The following GALNTL6 variants were observed in gnomAD, a reference collection of about 807,000 sequenced individuals.
GALNTL6 encodes polypeptide N-acetylgalactosaminyltransferase like 6.
A neutral mutation model predicts 73.7 loss-of-function variants in GALNTL6; 46 were observed. That is an observed-to-expected ratio of 0.62 (90% CI 0.49 to 0.80). GALNTL6 has a LOEUF of 0.80. Among genes scored for constraint, GALNTL6 ranks in the 30% least tolerant of loss-of-function variants. The probability of loss-of-function intolerance (pLI) is 0.00; values close to 1 mark genes in which losing one functional copy is unlikely to be tolerated. For missense variants in GALNTL6, 604 were observed against 755.0 expected, an observed-to-expected ratio of 0.80 and a Z score of 2.34; for synonymous variants, 259 against 263.7, an observed-to-expected ratio of 0.98 and a Z score of 0.17.
intron 11 of GALNTL6, among the ~76,000 whole-genome samples, chr4:173,010,938 T>C (rs1460820552): frequency 1.3e-5 from 2 of 152,100 alleles, no homozygotes; most frequent in South Asian, 2.1e-4. Context: ...TCCAAACTGT[T>C]CTCCATAGTA....
At chr4:172,717,003 C>A (rs979740159) in intron 5 of GALNTL6, among the ~76,000 whole-genome samples, 2 of 152,026 alleles carry the variant, frequency 1.3e-5, no homozygotes, top group Non-Finnish European at 2.9e-5. Context: ...AAGTCAGCAC[C>A]AAATACAAAA....
intron 7 of GALNTL6, among the ~76,000 whole-genome samples, chr4:172,875,632 T>C (rs1745154437): frequency 6.6e-6 from 1 of 151,946 alleles, no homozygotes; most frequent in Admixed American, 6.6e-5. Flanking sequence ...AAAGATCAGC[T>C]CTATTCACCA....
intron 2 of GALNTL6, among the ~76,000 whole-genome samples, chr4:171,954,810 G>C (rs13118856): frequency 0.44 from 67,011 of 151,884 alleles, 16,725 homozygotes; most frequent in Admixed American, 0.57. Flanking sequence ...GACAGTGAGT[G>C]AGTTCTCACA....
chr4:172,949,658 C>G (rs1749343254), intron 9 of GALNTL6, among the ~76,000 whole-genome samples: 1 of 151,652 alleles, frequency 6.6e-6, no homozygotes, highest in African/African-American at 2.4e-5. Flanking sequence ...AGCTGTAATC[C>G]CAGCACTTTG....
intron 8 of GALNTL6, among the ~76,000 whole-genome samples, chr4:172,885,343 T>C (rs2111198227): frequency 6.6e-6 from 1 of 152,320 alleles, no homozygotes; most frequent in Non-Finnish European, 1.5e-5. Flanking sequence ...TTAAATTTAT[T>C]CTTAGGTATT....
intron 2 of GALNTL6, among the ~76,000 whole-genome samples, chr4:172,144,391 A>G (rs1733874107): frequency 6.6e-6 from 1 of 152,200 alleles, no homozygotes; most frequent in South Asian, 2.1e-4. Context: ...CTACTATGTA[A>G]CTCTGAAAAC....
chr4:173,022,189 G>GAGGAAGGAAGGA (rs35151291), intron 12 of GALNTL6, among the ~76,000 whole-genome samples: 1,718 of 134,344 alleles, frequency 0.013, 19 homozygotes, highest in Non-Finnish European at 0.017. Context: ...GGGAGGGAGG[G>GAGGAAGGAAGGA]AGGAAGGAAG....
At chr4:172,554,310 T>C (rs1736067269) in intron 5 of GALNTL6, among the ~76,000 whole-genome samples, 1 of 152,232 alleles carries the variant, frequency 6.6e-6, no homozygotes, top group Non-Finnish European at 1.5e-5. Flanking sequence ...AGGGTGCAAA[T>C]TAGTTTTGCC....
chr4:172,171,505 A>G (rs543570386), intron 2 of GALNTL6, among the ~76,000 whole-genome samples: 2 of 152,270 alleles, frequency 1.3e-5, no homozygotes, highest in Middle Eastern at 6.8e-3. Context: ...TTCATGAACA[A>G]CACTGCTAGG....
At chr4:172,685,759 C>A (rs539701232) in intron 5 of GALNTL6, among the ~76,000 whole-genome samples, 2 of 152,010 alleles carry the variant, frequency 1.3e-5, no homozygotes, top group South Asian at 2.1e-4. Context: ...CTCAGCCAGG[C>A]GACTTTAGAA....
At chr4:172,603,485 A>G (rs1738143281) in intron 5 of GALNTL6, among the ~76,000 whole-genome samples, 1 of 152,194 alleles carries the variant, frequency 6.6e-6, no homozygotes, top group Non-Finnish European at 1.5e-5. Context: ...TCTTTTGAAC[A>G]ACACTGCAGT....
At chr4:172,663,220 A>T (rs976265660) in intron 5 of GALNTL6, among the ~76,000 whole-genome samples, 2 of 152,198 alleles carry the variant, frequency 1.3e-5, no homozygotes, top group Non-Finnish European at 2.9e-5. Flanking sequence ...GAACTATAAT[A>T]GTATCACTCT....
intron 4 of GALNTL6, among the ~76,000 whole-genome samples, chr4:172,317,858 T>G (rs1740616906): frequency 6.6e-6 from 1 of 152,182 alleles, no homozygotes; most frequent in South Asian, 2.1e-4. Context: ...TGAACTTGAT[T>G]AAGTACCTTC....
At chr4:171,955,822 T>G (rs1739027855) in intron 2 of GALNTL6, among the ~76,000 whole-genome samples, 1 of 152,114 alleles carries the variant, frequency 6.6e-6, no homozygotes, top group Admixed American at 6.6e-5. Context: ...CATGTTACCA[T>G]TAAACTGTTA....
intron 5 of GALNTL6, among the ~76,000 whole-genome samples, chr4:172,640,476 T>TGTC (rs1739922300): frequency 6.6e-6 from 1 of 152,136 alleles, no homozygotes; most frequent in Admixed American, 6.6e-5. Flanking sequence ...ATAGACTAGA[T>TGTC]GTCTTTAAAA....
intron 5 of GALNTL6, among the ~76,000 whole-genome samples, chr4:172,732,325 T>G (rs1736198749): frequency 6.6e-6 from 1 of 152,188 alleles, no homozygotes; most frequent in Non-Finnish European, 1.5e-5. Context: ...TGTTGTGTAG[T>G]CTATTTCATA....
chr4:172,707,602 A>G (rs1211493309), intron 5 of GALNTL6, among the ~76,000 whole-genome samples: 1 of 152,202 alleles, frequency 6.6e-6, no homozygotes, highest in African/African-American at 2.4e-5. Context: ...TAAAGGCAAA[A>G]TTATTCTGCA....
chr4:172,878,579 G>A (rs568931713), intron 7 of GALNTL6, among the ~76,000 whole-genome samples: 1 of 151,698 alleles, frequency 6.6e-6, no homozygotes, highest in African/African-American at 2.4e-5. Context: ...TAAAAGAAAG[G>A]TATATGCCAT....
At chr4:172,120,813 C>T (rs80268983) in intron 2 of GALNTL6, among the ~76,000 whole-genome samples, 9 of 151,262 alleles carry the variant, frequency 5.9e-5, no homozygotes, top group African/African-American at 1.5e-4. Flanking sequence ...GAGGCTTTGT[C>T]GAAACCTGAA....
Sources: gnomAD v4.1 joint callset for allele counts (sites outside exome capture counted in the v4.1 genomes callset) on GRCh38, gnomAD v4.1.1 for gene constraint, MANE v1.5 for transcripts, NCBI Gene and HGNC (gene_info 2026-07-23, HGNC 2026-07-21) for gene names.